AGBL1: variants seen among roughly 807,000 people sequenced by gnomAD.
AGBL1 encodes AGBL carboxypeptidase 1, also known as cytosolic carboxypeptidase 4.
AGBL1 carries 130 observed loss-of-function variants against 118.9 expected under a neutral mutation model. That is an observed-to-expected ratio of 1.09 (90% CI 0.95 to 1.26). The LOEUF is 1.26. Among genes scored for constraint, AGBL1 ranks in the 50% most tolerant of loss-of-function variants. The probability of loss-of-function intolerance (pLI) is 0.00; values close to 1 mark genes in which losing one functional copy is unlikely to be tolerated. For synonymous variants in AGBL1, 555 were observed against 478.9 expected (o/e 1.16, Z -2.08); for missense variants, 1,584 against 1,298.1 (o/e 1.22, Z -3.38).
In AGBL1 at chr15:86,914,370, G is replaced by A. The variant is rs1183730086; in HGVS notation, c.*7076G>A. On this transcript the variant is annotated 3_prime_UTR_variant, in exon 23 of 23. Transcript: ENST00000614907. ...TTCACTCTCAGTACCAGCTCTGTGG[G>A]ATAAATGGACATTATGATTGCCATT... The A allele has an allele frequency of 6.6e-6, 1 of 152,136 alleles. No individual in the cohort carries two copies. The highest frequency in any genetic ancestry group is 1.9e-4 in the East Asian group (1 of 5,182). The allele number at this position is 152,136 out of a possible 1,614,324, so 9.4% of individuals were successfully genotyped here.
At chr15:86,700,224 A>G (rs2086332411) in intron 22 of AGBL1, among the ~76,000 whole-genome samples, 1 of 151,888 alleles carries the variant, frequency 6.6e-6, no homozygotes, top group Non-Finnish European at 1.5e-5. Flanking sequence ...TGATGCTCAA[A>G]TTCTCCTAAA....
chr15:86,385,312 C>T (rs912410911), intron 17 of AGBL1, among the ~76,000 whole-genome samples: 3 of 152,116 alleles, frequency 2.0e-5, no homozygotes, highest in African/African-American at 2.4e-5. Flanking sequence ...TAAAATTACT[C>T]GTGCGCCTTG....
At chr15:86,320,949 C>A (rs2141843104) in intron 17 of AGBL1, among the ~76,000 whole-genome samples, 1 of 152,090 alleles carries the variant, frequency 6.6e-6, no homozygotes. Flanking sequence ...TGGAATAAAT[C>A]CATTTGTCAT....
At chr15:86,754,217 G>T (rs1007132570) in intron 22 of AGBL1, among the ~76,000 whole-genome samples, 1 of 152,008 alleles carries the variant, frequency 6.6e-6, no homozygotes, top group African/African-American at 2.4e-5. Context: ...AAAGGGATTC[G>T]TGCTTACTCC....
intron 1 of AGBL1, among the ~76,000 whole-genome samples, chr15:86,139,272 C>T (rs1597445590): frequency 6.6e-6 from 1 of 150,982 alleles, no homozygotes. Flanking sequence ...AGGAAGTCCA[C>T]ACTGTCTCTG....
chr15:86,891,885 G>A (rs570938307), intron 22 of AGBL1, among the ~76,000 whole-genome samples: 26 of 152,182 alleles, frequency 1.7e-4, no homozygotes, highest in Non-Finnish European at 3.5e-4. Flanking sequence ...GTTCAGTGGA[G>A]TTTCATCAAC....
chr15:86,785,031 C>T (rs2078386858), intron 22 of AGBL1, among the ~76,000 whole-genome samples: 1 of 152,050 alleles, frequency 6.6e-6, no homozygotes, highest in Admixed American at 6.5e-5. Context: ...AAGAGGAAGG[C>T]TGTACTTTCT....
At chr15:86,878,632 A>G (rs1477766973) in intron 22 of AGBL1, among the ~76,000 whole-genome samples, 2 of 151,900 alleles carry the variant, frequency 1.3e-5, no homozygotes, top group Non-Finnish European at 2.9e-5. Context: ...CTTGCCCACC[A>G]CATTGTAATG....
intron 22 of AGBL1, among the ~76,000 whole-genome samples, chr15:86,750,669 AC>A (rs1454624215): frequency 1.3e-5 from 2 of 152,054 alleles, no homozygotes; most frequent in Admixed American, 1.3e-4. Flanking sequence ...CTTCAGGGGT[AC>A]AAGTGCAGGT....
At chr15:86,721,281 C>T (rs529304376) in intron 22 of AGBL1, among the ~76,000 whole-genome samples, 1 of 152,292 alleles carries the variant, frequency 6.6e-6, no homozygotes, top group Admixed American at 6.5e-5. Context: ...TCCAGCAGCA[C>T]ATCAAAAAGC....
chr15:86,998,587 C>A lies in AGBL1; in HGVS notation c.3323+10499C>A, dbSNP rs1051828687. Among the ~76,000 whole-genome samples, 5 of 152,164 alleles carry A rather than the reference C, an allele frequency of 3.3e-5. No homozygotes were observed. In the East Asian group the frequency reaches 5.8e-4, roughly 18 times the overall value. On this transcript the variant is annotated intron_variant, in intron 24 of 24. Transcript: ENST00000441037. ...AGAGAAATTGAAAATAATAATCACA[C>A]CTTATTTTCTCCAATAAGTTTGTTA...
At chr15:86,146,534 C>A (rs1043382674) in intron 3 of AGBL1, among the ~76,000 whole-genome samples, 3 of 152,188 alleles carry the variant, frequency 2.0e-5, no homozygotes, top group Non-Finnish European at 4.4e-5. Context: ...CAAAGTATTG[C>A]ATGTCACATG....
At chr15:86,972,299 C>A (rs1251114672) in intron 23 of AGBL1, among the ~76,000 whole-genome samples, 1 of 151,926 alleles carries the variant, frequency 6.6e-6, no homozygotes, top group Non-Finnish European at 1.5e-5. Flanking sequence ...CAACATTTGG[C>A]ATTCCTGAAA....
chr15:86,629,512 C>A (rs925465417), intron 21 of AGBL1, among the ~76,000 whole-genome samples: 1 of 152,126 alleles, frequency 6.6e-6, no homozygotes, highest in Non-Finnish European at 1.5e-5. Context: ...CACTCAAACC[C>A]CACACATTCA....
intron 23 of AGBL1, among the ~76,000 whole-genome samples, chr15:86,962,584 A>C (rs2081003857): frequency 1.3e-5 from 2 of 152,034 alleles, no homozygotes; most frequent in African/African-American, 4.8e-5. Flanking sequence ...TCCTAGGGAG[A>C]CAATGATGCA....
chr15:86,151,326 C>A (rs565584222), intron 3 of AGBL1, among the ~76,000 whole-genome samples: 5 of 149,414 alleles, frequency 3.3e-5, no homozygotes, highest in Admixed American at 1.3e-4. Flanking sequence ...AAAGCTTATC[C>A]ACCACAATCA....
intron 23 of AGBL1, among the ~76,000 whole-genome samples, chr15:86,930,486 C>A (rs192822450): frequency 2.2e-4 from 34 of 152,024 alleles, no homozygotes; most frequent in Non-Finnish European, 3.8e-4. Context: ...TAACAATAAG[C>A]AAGGGAGACC....
At chr15:86,206,244 T>C (rs2077990055) in intron 5 of AGBL1, among the ~76,000 whole-genome samples, 1 of 152,230 alleles carries the variant, frequency 6.6e-6, no homozygotes, top group South Asian at 2.1e-4. Context: ...TCCACGTTTT[T>C]GGTATTGTGA....
intron 3 of AGBL1, among the ~76,000 whole-genome samples, chr15:86,145,639 G>A (rs1461302783): frequency 1.3e-5 from 2 of 152,170 alleles, no homozygotes; most frequent in African/African-American, 4.8e-5. Flanking sequence ...TGATAATGAT[G>A]GAGAACTAGG....
Sources: allele counts gnomAD v4.1 joint callset (sites outside exome capture counted in the v4.1 genomes callset), GRCh38; gene constraint gnomAD v4.1.1; transcripts MANE v1.5; gene names NCBI Gene and HGNC (gene_info 2026-07-23, HGNC 2026-07-21).